Variants in DLG2 observed in about 807,000 individuals in gnomAD.
DLG2 encodes discs large MAGUK scaffold protein 2.
DLG2 carries 45 observed loss-of-function variants against 132.5 expected under a neutral mutation model. That is an observed-to-expected ratio of 0.34 (90% CI 0.27 to 0.44). The LOEUF is 0.44. Ranked by LOEUF, DLG2 falls within the 20% of genes least tolerant of loss-of-function variation. The pLI, the probability that DLG2 is intolerant of heterozygous loss-of-function variation, is 1.00. For synonymous variants in DLG2, 424 were observed against 419.6 expected (o/e 1.01, Z -0.13); for missense variants, 1,045 against 1,196.9 (o/e 0.87, Z 1.87).
chr11:84,400,765 C>A (rs555725418), intron 7 of DLG2, among the ~76,000 whole-genome samples: 1 of 151,934 alleles, frequency 6.6e-6, no homozygotes, highest in Non-Finnish European at 1.5e-5. Flanking sequence ...TTAGACATTG[C>A]TTTTTTTGTA....
intron 5 of DLG2, among the ~76,000 whole-genome samples, chr11:85,134,528 C>CAAA (rs58266385): frequency 1.2e-3 from 41 of 34,920 alleles, no homozygotes; most frequent in Admixed American, 1.9e-3. Context: ...GACTCCGTCT[C>CAAA]AAAAAAAAAA....
At chr11:84,169,321 CT>C (rs35866200) in intron 8 of DLG2, among the ~76,000 whole-genome samples, 5,167 of 152,228 alleles carry the variant, frequency 0.034, 134 homozygotes, top group Non-Finnish European at 0.054. Flanking sequence ...CAAAGCAGAT[CT>C]TCAATAATGA....
chr11:84,981,599 T>G (rs1249679342), intron 6 of DLG2, among the ~76,000 whole-genome samples: 1 of 152,066 alleles, frequency 6.6e-6, no homozygotes, highest in African/African-American at 2.4e-5. Flanking sequence ...TAGACAGCAT[T>G]CCTAAAGTCG....
At chr11:85,339,456 A>G (rs1276228264) in intron 3 of DLG2, among the ~76,000 whole-genome samples, 3 of 152,236 alleles carry the variant, frequency 2.0e-5, no homozygotes, top group South Asian at 4.1e-4. Flanking sequence ...CAGAAGGGTT[A>G]TATCAATTTG....
intron 3 of DLG2, among the ~76,000 whole-genome samples, chr11:85,370,603 T>G (rs1596591213): frequency 6.6e-6 from 1 of 152,360 alleles, no homozygotes; most frequent in East Asian, 1.9e-4. Flanking sequence ...TGAGTCATCA[T>G]TTTGGCAAAA....
chr11:84,011,174 AAATAAAGACAGCTTGGCTG>A (rs2094870364), intron 11 of DLG2, among the ~76,000 whole-genome samples: 2 of 152,132 alleles, frequency 1.3e-5, no homozygotes, highest in Admixed American at 1.3e-4. Flanking sequence ...TAAGCCAATT[AAATAAAGACAGCTTGGCTG>A]GGCATGGCAT....
intron 7 of DLG2, among the ~76,000 whole-genome samples, chr11:84,349,466 A>T (rs1372192647): frequency 8.2e-6 from 1 of 121,516 alleles, no homozygotes. Flanking sequence ...GAATAATCAG[A>T]TTTTATTAGT....
At chr11:85,021,670 G>A in intron 6 of DLG2, 1 of 1,099,544 alleles carries the variant, frequency 9.1e-7, no homozygotes, top group Non-Finnish European at 1.4e-6. Flanking sequence ...TGATGATAAG[G>A]TTTCTCACAC....
chr11:83,574,657 C>T (rs1344493059), intron 19 of DLG2, among the ~76,000 whole-genome samples: 2 of 152,190 alleles, frequency 1.3e-5, no homozygotes, highest in Non-Finnish European at 2.9e-5. Context: ...GATTCCAAAG[C>T]TGCAGGATGA....
At chr11:84,411,707 T>G (rs974140459) in intron 7 of DLG2, among the ~76,000 whole-genome samples, 65 of 152,302 alleles carry the variant, frequency 4.3e-4, no homozygotes, top group Admixed American at 7.8e-4. Context: ...TCATGTCCAG[T>G]AGTCCTAAAC....
At chr11:85,493,165 G>A (rs147714431) in intron 3 of DLG2, among the ~76,000 whole-genome samples, 1 of 152,162 alleles carries the variant, frequency 6.6e-6, no homozygotes, top group Non-Finnish European at 1.5e-5. Flanking sequence ...AAGTACCCAG[G>A]AAGGTTTATA....
intron 4 of DLG2, among the ~76,000 whole-genome samples, chr11:85,209,759 C>T (rs778719393): frequency 4.0e-5 from 6 of 151,576 alleles, no homozygotes; most frequent in Non-Finnish European, 5.9e-5. Flanking sequence ...GTCTCTTCAC[C>T]GAAATTCATT....
intron 6 of DLG2, among the ~76,000 whole-genome samples, chr11:84,581,871 C>CACTCT (rs2099517151): frequency 7.0e-6 from 1 of 142,340 alleles, no homozygotes; most frequent in Non-Finnish European, 1.5e-5. Context: ...TGCCTCATTG[C>CACTCT]ACTCTAGCCT....
intron 15 of DLG2, among the ~76,000 whole-genome samples, chr11:83,928,599 A>G (rs980552449): frequency 2.6e-5 from 4 of 152,078 alleles, no homozygotes; most frequent in African/African-American, 9.7e-5. Flanking sequence ...AATGGGGGGA[A>G]ATTTTTTTCC....
intron 6 of DLG2, among the ~76,000 whole-genome samples, chr11:85,025,158 G>T (rs74956774): frequency 6.6e-6 from 1 of 152,070 alleles, no homozygotes; most frequent in African/African-American, 2.4e-5. Flanking sequence ...ATTGTATCTC[G>T]CAAGAACACA....
intron 7 of DLG2, among the ~76,000 whole-genome samples, chr11:84,337,252 T>C (rs183875864): frequency 1.1e-4 from 17 of 152,212 alleles, no homozygotes; most frequent in African/African-American, 3.6e-4. Flanking sequence ...ACACAGCTAA[T>C]AAAAGAGAAC....
intron 11 of DLG2, among the ~76,000 whole-genome samples, chr11:84,011,906 T>C (rs746587820): frequency 2.7e-4 from 41 of 152,104 alleles, no homozygotes; most frequent in Non-Finnish European, 6.0e-4. Context: ...AATTAAAAAA[T>C]TACATGTGTT....
intron 4 of DLG2, among the ~76,000 whole-genome samples, chr11:85,211,312 C>A (rs1228474633): frequency 6.6e-6 from 1 of 152,094 alleles, no homozygotes; most frequent in Non-Finnish European, 1.5e-5. Context: ...GTAATTATAA[C>A]TCACTATCTC....
chr11:85,516,906 C>T (rs1351141557), intron 3 of DLG2, among the ~76,000 whole-genome samples: 3 of 151,936 alleles, frequency 2.0e-5, no homozygotes, highest in Admixed American at 1.3e-4. Context: ...GAAGGAAATC[C>T]TCCCTAACTC....
Sources: gnomAD v4.1 joint callset for allele counts (sites outside exome capture counted in the v4.1 genomes callset) on GRCh38, gnomAD v4.1.1 for gene constraint, MANE v1.5 for transcripts, NCBI Gene and HGNC (gene_info 2026-07-23, HGNC 2026-07-21) for gene names.